Variants in OTOP2 observed in about 807,000 individuals in gnomAD.
OTOP2 encodes proton channel OTOP2.
A neutral mutation model predicts 47.4 loss-of-function variants in OTOP2; 41 were observed. That is an observed-to-expected ratio of 0.87 (90% confidence interval 0.67 to 1.12). The LOEUF is 1.12. Among genes scored for constraint, OTOP2 ranks in the 50% most tolerant of loss-of-function variants. OTOP2 has a pLI of 0.00. For synonymous variants in OTOP2, 328 were observed against 319.6 expected (o/e 1.03, Z -0.28); for missense variants, 721 against 752.2 (o/e 0.96, Z 0.49).
intron 3 of OTOP2, 95 bp downstream of exon 3, chr17:74,925,787 C>A: frequency 6.5e-7 from 1 of 1,537,772 alleles, no homozygotes; most frequent in Non-Finnish European, 8.8e-7. Context: ...GCTCCATCCG[C>A]CTCGTATCCT....
At position 74,931,034 on chromosome 17, in the gene OTOP2, G is replaced by T. The variant is rs781412718; in HGVS notation, c.1399G>T (p.Val467Phe). Residue 467 changes from valine to phenylalanine, a missense_variant, in exon 6 of 7, where the codon GTT (valine) becomes TTT (phenylalanine). Val to Phe is a conservative substitution (Grantham distance 50). Transcript: ENST00000331427. ...LSACPPNPGL[V>F]SPSPSDQREA... ...CGCCTGCCCACCCAACCCCGGGCTGGTTAGCCCCAGCCCTTCAGACCAGCG... is the reference window on the plus strand; with the variant it reads ...CGCCTGCCCACCCAACCCCGGGCTGTTTAGCCCCAGCCCTTCAGACCAGCG... 1 of 1,614,150 alleles carries T rather than the reference G, an allele frequency of 6.2e-7. No homozygotes were observed. Among genetic ancestry groups the T allele is most frequent in the Non-Finnish European group, 8.5e-7 (1 of 1,180,024 alleles).
In OTOP2 at chr17:74,924,582, T is replaced by C; in HGVS notation, c.-33-18T>C. ...CCGTCAGGGTTGACCTGGAGTTTTG[T>C]CCGCTCCTCCCCTACAGTGATCCCT... On this transcript the variant is annotated intron_variant, in intron 1 of 6. Transcript: ENST00000331427. The surrounding 1 kb of genome is among the most constrained non-coding windows in gnomAD (Gnocchi z 7.7). 1 of 1,454,650 alleles carries C rather than the reference T, an allele frequency of 6.9e-7. No homozygotes were observed. The highest frequency in any genetic ancestry group is 1.4e-5 in the South Asian group (1 of 70,552). The allele number at this position is 1,454,650 out of a possible 1,614,324, so 90.1% of individuals were successfully genotyped here. A position where few individuals can be genotyped will look rare whatever the true frequency, so the allele number is the denominator to read the frequency against.
intron 6 of OTOP2, among the ~76,000 whole-genome samples, chr17:74,932,072 C>T (rs776590745): frequency 5.9e-5 from 9 of 151,926 alleles, no homozygotes; most frequent in Non-Finnish European, 1.2e-4. Context: ...GAAAACACTC[C>T]TGGTGTTTCT....
rs1299609427 is a variant in OTOP2, at chr17:74,924,671, C to CCCGGCG, written c.43_48dup (p.Ala15_Pro16dup). ...TGGCCCAGGGCCCCAAGGAGAGCCC[C>CCCGGCG]CCGGCGCCGCGTGCGGGCCCCAGGG... On this transcript the variant is annotated inframe_insertion, in exon 2 of 7. Transcript: ENST00000331427. This position sits in a 1 kb window ranked among gnomAD's most constrained non-coding sequence, Gnocchi z 7.7. 6.3e-7 allele frequency: 1 copy of CCCGGCG among 1,593,740 alleles called. No homozygotes were observed. The highest frequency in any genetic ancestry group is 8.5e-7 in the Non-Finnish European group (1 of 1,173,650).
chr17:74,925,030 T>TTG, intron 2 of OTOP2, 85 bp downstream of exon 2: 1 of 1,423,864 alleles, frequency 7.0e-7, no homozygotes, highest in East Asian at 2.5e-5. Context: ...AGAGTGCAGA[T>TTG]TGACATACGA....
rs2039079691 is a variant in OTOP2 at position 74,933,572 on chromosome 17, G to A, written c.*27G>A. On this transcript the variant is annotated 3_prime_UTR_variant, in exon 7 of 7. Coordinates refer to ENST00000331427, the MANE Select transcript of OTOP2 (RefSeq NM_178160.3). The surrounding 1 kb of genome is among the most constrained non-coding windows in gnomAD (Gnocchi z 4.7). ...GCCTCCAACAGAGGCATGGGGGGCAGGAAGAGGGGGCTCAGCTCATGTGCC... is the reference window on the plus strand; with the variant it reads ...GCCTCCAACAGAGGCATGGGGGGCAAGAAGAGGGGGCTCAGCTCATGTGCC... 1.1e-5 allele frequency: 17 copies of A among 1,552,652 alleles called. No homozygotes were observed. The highest frequency in any genetic ancestry group is 8.1e-5 in the African/African-American group (6 of 74,202).
rs749090904 is a variant in OTOP2 at position 74,927,783 on chromosome 17, C to T, written c.628C>T (p.Arg210Cys). The change falls in exon 5 of 7, where the codon CGT becomes TGT. Residue 210 changes from arginine to cysteine, a missense_variant. Transcript: ENST00000331427. ...SSSHSNASHA[R>C]LISDQHADNP... ...TTCTCACAGCAACGCCAGCCACGCC[C>T]GTCTCATCTCTGACCGTGAGTTTCC... is the stretch of plus-strand genomic sequence containing the variant. 11 of 1,613,916 alleles carry T rather than the reference C, an allele frequency of 6.8e-6. No individual in the cohort carries two copies. Among genetic ancestry groups the T allele is most frequent in the Admixed American group, 5.0e-5 (3 of 59,978 alleles).
intron 6 of OTOP2, among the ~76,000 whole-genome samples, chr17:74,932,929 G>C (rs577301778): frequency 1.7e-4 from 26 of 152,256 alleles, no homozygotes; most frequent in African/African-American, 6.3e-4. Context: ...CTCAAGGAGG[G>C]CTGGGGTGGG....
At chr17:74,931,952 T>TAAAAA (rs2039062944) in intron 6 of OTOP2, among the ~76,000 whole-genome samples, 1 of 43,298 alleles carries the variant, frequency 2.3e-5, no homozygotes. Context: ...TGACACTCTG[T>TAAAAA]CAAAAAAAAA....
rs1323161108 is a variant in OTOP2, at chr17:74,925,625, TC to T, written c.384del (p.Phe129LeufsTer40). 6.2e-7 allele frequency: 1 copy of T among 1,614,070 alleles called. No homozygotes were observed. Among genetic ancestry groups the T allele is most frequent in the Non-Finnish European group, 8.5e-7 (1 of 1,180,034 alleles). On this transcript the variant is annotated frameshift_variant, in exon 3 of 7. Coordinates refer to ENST00000331427, the MANE Select transcript of OTOP2 (RefSeq NM_178160.3). LOFTEE classifies it high-confidence loss of function. The stretch of plus-strand genomic sequence containing the variant: ...TTCAAGACCGGCTACTACTCCAGTT[TC>T]TTTGAGTGCCAGTCAGCCATCAAGA... ...DVFKTGYYSS[F>X]FECQSAIKIL...
In OTOP2 at chr17:74,924,758, C is replaced by T. The variant is rs760276656; in HGVS notation, c.126C>T (p.Leu42=). Residue 42 remains leucine, a synonymous_variant, in exon 2 of 7, where the codon CTC becomes CTT. Coordinates refer to ENST00000331427, the MANE Select transcript of OTOP2 (RefSeq NM_178160.3). The surrounding 1 kb of genome is among the most constrained non-coding windows in gnomAD (Gnocchi z 7.7). ...TGCTGGCGGTGAACGTGCTGCTCCTCGCCTGCACGCTCATCAGCGGCGGAG... is the reference window on the plus strand; with the variant it reads ...TGCTGGCGGTGAACGTGCTGCTCCTTGCCTGCACGCTCATCAGCGGCGGAG... ...SVLLAVNVLL[L]ACTLISGGAF... is the part of the protein sequence containing the mutation. 1.9e-6 allele frequency: 3 copies of T among 1,609,352 alleles called. No individual in the cohort carries two copies. Among genetic ancestry groups the T allele is most frequent in the African/African-American group, 1.3e-5 (1 of 74,898 alleles).
rs2039021971 is a variant in OTOP2, at chr17:74,927,736, A to T, written c.581A>T (p.His194Leu). Reference sequence around the variant, plus strand: ...GCGGCCGTGGTGGATGAATCTGTGCACCAATCCCACTCCTACAGCAGTTCT... The same window carrying T: ...GCGGCCGTGGTGGATGAATCTGTGCTCCAATCCCACTCCTACAGCAGTTCT... ...WMAAVVDESV[H>L]QSHSYSSSHS... The change falls in exon 5 of 7, where the codon CAC (histidine) becomes CTC (leucine). Residue 194 changes from histidine to leucine, a missense_variant. Coordinates refer to ENST00000331427, the MANE Select transcript of OTOP2 (RefSeq NM_178160.3). The T allele has an allele frequency of 2.5e-6, 4 of 1,613,952 alleles. No homozygotes were observed. Among genetic ancestry groups the T allele is most frequent in the African/African-American group, 1.3e-5 (1 of 74,898 alleles).
In OTOP2 at chr17:74,930,840, T is replaced by C; in HGVS notation, c.1205T>C (p.Leu402Pro). Reference protein sequence around the residue: ...AGTPQDLLAGLNLTHALLMIA... With the variant: ...AGTPQDLLAGPNLTHALLMIA... ...ACACCCCAGGACCTGCTGGCAGGGC[T>C]CAACCTCACCCATGCACTGCTCATG... is the stretch of plus-strand genomic sequence containing the variant. The change falls in exon 6 of 7, where the codon CTC becomes CCC. Residue 402 changes from leucine to proline, a missense_variant. Coordinates refer to ENST00000331427, the MANE Select transcript of OTOP2 (RefSeq NM_178160.3). This position sits in a 1 kb window ranked among gnomAD's most constrained non-coding sequence, Gnocchi z 4.0. The C allele has an allele frequency of 1.2e-6, 2 of 1,614,026 alleles. No homozygotes were observed. The highest frequency in any genetic ancestry group is 1.7e-6 in the Non-Finnish European group (2 of 1,180,006).
chr17:74,927,936 G>A, intron 5 of OTOP2, 138 bp downstream of exon 5: 1 of 1,187,160 alleles, frequency 8.4e-7, no homozygotes, highest in Non-Finnish European at 1.2e-6. Flanking sequence ...TCCTGTTGCA[G>A]GATCTACCTC....
At chr17:74,925,786 G>T (rs796931741) in intron 3 of OTOP2, 94 bp downstream of exon 3, 3 of 1,542,542 alleles carry the variant, frequency 1.9e-6, no homozygotes, top group Non-Finnish European at 2.6e-6. Flanking sequence ...AGCTCCATCC[G>T]CCTCGTATCC....
chr17:74,925,483 G>A, intron 2 of OTOP2, 73 bp from the exon 3 acceptor site: 1 of 1,579,472 alleles, frequency 6.3e-7, no homozygotes, highest in African/African-American at 1.3e-5. Context: ...CTCAGGGCCT[G>A]TCCTCAGCTC....
At chr17:74,927,427 C>T in intron 4 of OTOP2, 146 bp downstream of exon 4, 1 of 1,097,176 alleles carries the variant, frequency 9.1e-7, no homozygotes, top group Non-Finnish European at 1.4e-6. Context: ...GTCAGGCTGA[C>T]TTCCACTACC....
At position 74,930,671 on chromosome 17, in the gene OTOP2, G is replaced by A. The variant is rs200670856; in HGVS notation, c.1036G>A (p.Gly346Ser). 3.6e-5 allele frequency: 58 copies of A among 1,613,908 alleles called. No individual in the cohort carries two copies. Among genetic ancestry groups the A allele is most frequent in the African/African-American group, 4.0e-5 (3 of 74,880 alleles). ...LGLTTLVSLS[G>S]SIIYRFDRRA... Reference sequence around the variant, plus strand: ...ACTCACCACCTTGGTCAGCCTGAGCGGCTCCATCATCTACCGTTTTGACCG... The same window carrying A: ...ACTCACCACCTTGGTCAGCCTGAGCAGCTCCATCATCTACCGTTTTGACCG... Residue 346 changes from glycine to serine, a missense_variant, in exon 6 of 7, where the codon GGC becomes AGC. Physicochemically the swap from Gly to Ser is moderately conservative, Grantham distance 56 (BLOSUM62 0). Coordinates refer to ENST00000331427, the MANE Select transcript of OTOP2 (RefSeq NM_178160.3). This position sits in a 1 kb window ranked among gnomAD's most constrained non-coding sequence, Gnocchi z 4.0.
At position 74,930,544 on chromosome 17, in the gene OTOP2, G is replaced by A. The variant is rs1182605684; in HGVS notation, c.909G>A (p.Gly303=). The change falls in exon 6 of 7, where the codon GGG becomes GGA. Residue 303 remains glycine, a synonymous_variant. Transcript: ENST00000331427. This position sits in a 1 kb window ranked among gnomAD's most constrained non-coding sequence, Gnocchi z 4.0. The part of the protein sequence containing the change: ...PVLGLLLFVV[G]LAVFIIYEVQ... The stretch of plus-strand genomic sequence containing the variant: ...TGGGCCTGCTGCTCTTCGTGGTGGG[G>A]CTGGCTGTCTTCATCATCTACGAGG... The A allele has an allele frequency of 3.7e-6, 6 of 1,613,064 alleles. No homozygotes were observed. Among genetic ancestry groups the A allele is most frequent in the African/African-American group, 1.3e-5 (1 of 74,900 alleles).
Sources: allele counts gnomAD v4.1 joint callset (sites outside exome capture counted in the v4.1 genomes callset), GRCh38; gene constraint gnomAD v4.1.1; non-coding constraint Gnocchi (gnomAD v3.1); transcripts MANE v1.5; gene names NCBI Gene and HGNC (gene_info 2026-07-23, HGNC 2026-07-21).